The following INTS2 variants were observed in gnomAD, a reference collection of about 807,000 sequenced individuals.
The protein encoded by INTS2 is integrator complex subunit 2, also known as KIAA1287.
In INTS2, 57 loss-of-function variants were observed where a neutral mutation model predicts 139.6. The observed-to-expected ratio is 0.41, with a 90% confidence interval of 0.33 to 0.51. The LOEUF (loss-of-function observed/expected upper bound fraction) is 0.51, where lower values mean the gene tolerates loss of function less well. Among genes scored for constraint, INTS2 ranks in the 20% least tolerant of loss-of-function variants. The probability of loss-of-function intolerance (pLI) is 0.28; values close to 1 mark genes in which losing one functional copy is unlikely to be tolerated. For missense variants in INTS2, 1,196 were observed against 1,436.7 expected (o/e 0.83, Z 2.71); for synonymous variants, 473 against 493.4 (o/e 0.96, Z 0.55).
intron 16 of INTS2, among the ~76,000 whole-genome samples, chr17:61,884,285 G>A (rs2079205066): frequency 6.6e-6 from 1 of 152,062 alleles, no homozygotes; most frequent in Admixed American, 6.6e-5. Context: ...GAGACCAGGA[G>A]TTCAAGACCA....
chr17:61,893,722 T>G lies in INTS2; in HGVS notation c.1698+43A>C, dbSNP rs749894886. The G allele has an allele frequency of 2.9e-6, 4 of 1,401,242 alleles. No individual in the cohort carries two copies. Among genetic ancestry groups the G allele is most frequent in the Non-Finnish European group, 3.8e-6 (4 of 1,063,344 alleles). The allele number at this position is 1,401,242 out of a possible 1,614,324, so 86.8% of individuals were successfully genotyped here. On this transcript the variant is annotated intron_variant, in intron 13 of 24. Transcript: ENST00000251334. The surrounding 1 kb of genome is among the most constrained non-coding windows in gnomAD (Gnocchi z 5.4). ...AAGAAAAAAAATATATATATAAAAA[T>G]GTAGGGGCATGCTTTTATTTTGTTT...
chr17:61,927,850 G>A lies in INTS2; in HGVS notation c.-215C>T. ...ACCAACCGGGTTGTCGATACAAAGT[G>A]GGAAGGATGGGGGCACCACACAAAG... On this transcript the variant is annotated 5_prime_UTR_variant, in exon 1 of 25. Coordinates refer to ENST00000251334, the MANE Select transcript of INTS2 (RefSeq NM_001351695.2). 6 of 1,613,782 alleles carry A rather than the reference G, an allele frequency of 3.7e-6. No homozygotes were observed. The highest frequency in any genetic ancestry group is 5.1e-6 in the Non-Finnish European group (6 of 1,179,792).
Position 61,867,447 on chromosome 17 carries a change from G to A in INTS2, c.*110C>T. On this transcript the variant is annotated 3_prime_UTR_variant, in exon 25 of 25. Coordinates refer to ENST00000251334, the MANE Select transcript of INTS2 (RefSeq NM_001351695.2). The surrounding 1 kb of genome is among the most constrained non-coding windows in gnomAD (Gnocchi z 5.6). ...TCATGTTGAATTGAATTGTTTTAGTGATTCCAAGACAATACTTTACTGTTC... is the reference window on the plus strand; with the variant it reads ...TCATGTTGAATTGAATTGTTTTAGTAATTCCAAGACAATACTTTACTGTTC... The A allele has an allele frequency of 1.7e-6, 1 of 599,556 alleles. No individual in the cohort carries two copies. The highest frequency in any genetic ancestry group is 2.8e-5 in the South Asian group (1 of 35,604). 37.1% of individuals were successfully genotyped at this position (599,556 alleles called of 1,614,324 possible). A position where few individuals can be genotyped will look rare whatever the true frequency, so the allele number is the denominator to read the frequency against.
chr17:61,918,572 A>C (rs895145670), intron 5 of INTS2, among the ~76,000 whole-genome samples: 1 of 152,116 alleles, frequency 6.6e-6, no homozygotes, highest in African/African-American at 2.4e-5. Context: ...GAGCTCACAC[A>C]ATAAGTGAAT....
chr17:61,901,577 CTTTTTTTTTTTTTTTTTTTT>C (rs55751869), intron 9 of INTS2, among the ~76,000 whole-genome samples: 118 of 49,458 alleles, frequency 2.4e-3, no homozygotes, highest in East Asian at 9.9e-3. Context: ...AGAATGATTT[CTTTTTTTTTTTTTTTTTTTT>C]TTTTTTTTTT....
chr17:61,926,190 G>A (rs2079711476), intron 2 of INTS2, among the ~76,000 whole-genome samples, 162 bp downstream of exon 2: 2 of 152,174 alleles, frequency 1.3e-5, no homozygotes, highest in African/African-American at 4.8e-5. Flanking sequence ...TAACATGGAA[G>A]TCAAAAGATT....
intron 9 of INTS2, among the ~76,000 whole-genome samples, chr17:61,899,504 T>C (rs2079383458): frequency 1.3e-5 from 2 of 151,848 alleles, no homozygotes; most frequent in African/African-American, 4.8e-5. Flanking sequence ...CCACCCACCT[T>C]GGCCTCCCAA....
chr17:61,887,746 G>C (rs546629462), intron 15 of INTS2, among the ~76,000 whole-genome samples: 47 of 151,982 alleles, frequency 3.1e-4, no homozygotes, highest in African/African-American at 1.1e-3. Context: ...CACAGAAAAT[G>C]TCAAAACATA....
rs2079103663 is a variant in INTS2 at position 61,873,358 on chromosome 17, CAAAAAA to C, written c.2583-904_2583-899del. Reference sequence around the variant, plus strand: ...GGACAACATAGCAAGACCCCCAACTCAAAAAATAAAAATAAATTTGAAATAAGAACA... The same window carrying C: ...GGACAACATAGCAAGACCCCCAACTCTAAAAATAAATTTGAAATAAGAACA... On this transcript the variant is annotated intron_variant, in intron 19 of 24. Coordinates refer to ENST00000251334, the MANE Select transcript of INTS2 (RefSeq NM_001351695.2). This position sits in a 1 kb window ranked among gnomAD's most constrained non-coding sequence, Gnocchi z 4.0. Among the ~76,000 whole-genome samples the C allele has an allele frequency of 6.6e-6, 1 of 151,508 alleles. No homozygotes were observed. The highest frequency in any genetic ancestry group is 6.6e-5 in the Admixed American group (1 of 15,216).
At chr17:61,895,102 A>G (rs2079333670) in intron 12 of INTS2, among the ~76,000 whole-genome samples, 1 of 152,204 alleles carries the variant, frequency 6.6e-6, no homozygotes, top group Non-Finnish European at 1.5e-5. Flanking sequence ...AAAAATACAT[A>G]AATTCAAAAG....
At position 61,876,887 on chromosome 17, in the gene INTS2, C is replaced by T. The variant is rs1376693104; in HGVS notation, c.2456+1000G>A. ...TGAGCAAATAGAAAAAAGGTATTAACTAACCCAACATATATGTTGAGTAAG... is the reference window on the plus strand; with the variant it reads ...TGAGCAAATAGAAAAAAGGTATTAATTAACCCAACATATATGTTGAGTAAG... On this transcript the variant is annotated intron_variant, in intron 18 of 24. Transcript: ENST00000251334. This position sits in a 1 kb window ranked among gnomAD's most constrained non-coding sequence, Gnocchi z 4.1. Among the ~76,000 whole-genome samples the T allele has an allele frequency of 6.6e-6, 1 of 152,126 alleles. No individual in the cohort carries two copies. Among genetic ancestry groups the T allele is most frequent in the Non-Finnish European group, 1.5e-5 (1 of 68,030 alleles).
At chr17:61,903,988 A>G (rs1296557398) in intron 9 of INTS2, among the ~76,000 whole-genome samples, 1 of 152,222 alleles carries the variant, frequency 6.6e-6, no homozygotes, top group Non-Finnish European at 1.5e-5. Flanking sequence ...AAAGAATTGA[A>G]AGACACTGCT....
At chr17:61,910,568 G>A (rs2079516281) in intron 7 of INTS2, 1 of 150,608 alleles carries the variant, frequency 6.6e-6, no homozygotes, top group African/African-American at 2.4e-5. Flanking sequence ...CTCCAGCCTG[G>A]GTGACAGAGT....
intron 16 of INTS2, among the ~76,000 whole-genome samples, chr17:61,881,659 T>C (rs544316003): frequency 6.6e-6 from 1 of 152,204 alleles, no homozygotes; most frequent in African/African-American, 2.4e-5. Context: ...TTGTTTCATG[T>C]GCAGAATAAT....
intron 15 of INTS2, among the ~76,000 whole-genome samples, chr17:61,886,981 A>G (rs992296186): frequency 9.2e-5 from 14 of 152,200 alleles, no homozygotes; most frequent in African/African-American, 3.4e-4. Context: ...CCAATCTTTT[A>G]TGAATTAAGA....
rs143504478 is a variant in INTS2 at position 61,868,111 on chromosome 17, A to C, written c.3245-102T>G. On this transcript the variant is annotated intron_variant, in intron 23 of 24. Coordinates refer to ENST00000251334, the MANE Select transcript of INTS2 (RefSeq NM_001351695.2). The surrounding 1 kb of genome is among the most constrained non-coding windows in gnomAD (Gnocchi z 4.7). ...ACTATGCTCTGTGCTGGAGATATGAAGTTCTCTAAACACAGCCAACCCGTC... is the reference window on the plus strand; with the variant it reads ...ACTATGCTCTGTGCTGGAGATATGACGTTCTCTAAACACAGCCAACCCGTC... 1.1e-3 allele frequency: 1,058 copies of C among 943,092 alleles called. 29 individuals carry two copies. The East Asian group carries it at 0.031, about 27-fold the overall frequency. The allele number at this position is 943,092 out of a possible 1,614,324, so 58.4% of individuals were successfully genotyped here. A position where few individuals can be genotyped will look rare whatever the true frequency, so the allele number is the denominator to read the frequency against.
Position 61,893,848 on chromosome 17 carries a change from T to A in INTS2, c.1615A>T (p.Asn539Tyr), listed in dbSNP as rs1001267547. The A allele has an allele frequency of 2.3e-5, 37 of 1,582,692 alleles. No individual in the cohort carries two copies. The highest frequency in any genetic ancestry group is 3.2e-5 in the Non-Finnish European group (37 of 1,163,616). The change falls in exon 13 of 25, where the codon AAC becomes TAC. Residue 539 changes from asparagine to tyrosine, a missense_variant. Transcript: ENST00000251334. This position sits in a 1 kb window ranked among gnomAD's most constrained non-coding sequence, Gnocchi z 5.4. The stretch of plus-strand genomic sequence containing the variant: ...TGAATAGGCAAAAATCCAGTAATGT[T>A]GGCACTCAGGTTGCTGGTGACAGGG... Reference protein sequence around the residue: ...RVPVTSNLSANITGFLPIHCI... With the variant: ...RVPVTSNLSAYITGFLPIHCI...
intron 17 of INTS2, 85 bp downstream of exon 17, chr17:61,880,922 T>C: frequency 9.2e-7 from 1 of 1,081,146 alleles, no homozygotes; most frequent in Non-Finnish European, 1.4e-6. Flanking sequence ...CATGGGAAAA[T>C]TCTGTATGAT....
intron 5 of INTS2, among the ~76,000 whole-genome samples, chr17:61,918,479 T>C (rs2079605290): frequency 6.6e-6 from 1 of 152,078 alleles, no homozygotes; most frequent in South Asian, 2.1e-4. Flanking sequence ...TGGCCTGAAA[T>C]GATGCACCCA....
Sources: allele counts gnomAD v4.1 joint callset (sites outside exome capture counted in the v4.1 genomes callset), GRCh38; gene constraint gnomAD v4.1.1; non-coding constraint Gnocchi (gnomAD v3.1); transcripts MANE v1.5; gene names NCBI Gene and HGNC (gene_info 2026-07-23, HGNC 2026-07-21).